The following PTPRD variants were observed in gnomAD, a reference collection of about 807,000 sequenced individuals.
PTPRD encodes the protein receptor-type tyrosine-protein phosphatase delta.
A neutral mutation model predicts 214.5 loss-of-function variants in PTPRD; 34 were observed. The ratio of observed to expected loss-of-function variants is 0.16; its 90% CI spans 0.12 to 0.21. The LOEUF is 0.21. Ranked by LOEUF, PTPRD falls within the 10% of genes least tolerant of loss-of-function variation. The pLI is 1.00. For synonymous variants in PTPRD, 1,128 were observed against 845.7 expected (o/e 1.33, Z -5.79); for missense variants, 2,545 against 2,398.7 (o/e 1.06, Z -1.27).
At chr9:9,941,395 T>G (rs896246861) in intron 4 of PTPRD, among the ~76,000 whole-genome samples, 1 of 152,320 alleles carries the variant, frequency 6.6e-6, no homozygotes, top group Admixed American at 6.5e-5. Context: ...TGATCTCAGC[T>G]CGCTGCAATT....
At chr9:10,168,273 A>G (rs1019189050) in intron 3 of PTPRD, among the ~76,000 whole-genome samples, 21 of 152,220 alleles carry the variant, frequency 1.4e-4, no homozygotes, top group African/African-American at 4.8e-4. Flanking sequence ...TGAGATATTT[A>G]CTAAGTCATG....
chr9:9,861,336 G>T (rs12380595), intron 5 of PTPRD, among the ~76,000 whole-genome samples: 19,320 of 152,050 alleles, frequency 0.13, 1,561 homozygotes, highest in Non-Finnish European at 0.18. Context: ...TGTCTCCCAG[G>T]CTGGAGTGCA....
At chr9:8,731,206 A>C (rs1023802290) in intron 12 of PTPRD, among the ~76,000 whole-genome samples, 8 of 152,300 alleles carry the variant, frequency 5.3e-5, no homozygotes, top group Admixed American at 4.6e-4. Flanking sequence ...ATCATTTCAA[A>C]AGAGAGTGAG....
At chr9:8,991,362 G>A (rs1399825984) in intron 11 of PTPRD, among the ~76,000 whole-genome samples, 2 of 152,088 alleles carry the variant, frequency 1.3e-5, no homozygotes, top group Non-Finnish European at 2.9e-5. Context: ...TTATAGGAGT[G>A]TCAGCTGTGA....
At chr9:8,868,751 A>T (rs993009360) in intron 11 of PTPRD, among the ~76,000 whole-genome samples, 4 of 152,184 alleles carry the variant, frequency 2.6e-5, no homozygotes, top group African/African-American at 4.8e-5. Flanking sequence ...GATGCAGTCC[A>T]AATTTTATAT....
chr9:9,549,247 T>C (rs919505209), intron 8 of PTPRD, among the ~76,000 whole-genome samples: 10 of 152,032 alleles, frequency 6.6e-5, no homozygotes, highest in Non-Finnish European at 1.3e-4. Flanking sequence ...TATACATATA[T>C]ATGTGTATAA....
intron 12 of PTPRD, among the ~76,000 whole-genome samples, chr9:8,727,727 G>C (rs938584814): frequency 3.3e-5 from 5 of 152,024 alleles, no homozygotes; most frequent in African/African-American, 1.2e-4. Flanking sequence ...GTCATCCTAG[G>C]TCACTATGGC....
chr9:9,181,673 G>A (rs559163254), intron 10 of PTPRD, among the ~76,000 whole-genome samples: 4 of 152,018 alleles, frequency 2.6e-5, no homozygotes, highest in South Asian at 2.1e-4. Flanking sequence ...ATATCAAATG[G>A]CTAATAAGTA....
chr9:10,260,408 G>GT (rs925684332), intron 3 of PTPRD, among the ~76,000 whole-genome samples: 4 of 151,976 alleles, frequency 2.6e-5, no homozygotes, highest in East Asian at 1.9e-4. Context: ...CCAGGTCTCA[G>GT]TTTTTTTTGT....
At chr9:8,533,601 A>T (rs892989511) in intron 14 of PTPRD, among the ~76,000 whole-genome samples, 1 of 151,998 alleles carries the variant, frequency 6.6e-6, no homozygotes, top group Non-Finnish European at 1.5e-5. Flanking sequence ...TGAAGCATTC[A>T]TCCCCTGGAA....
chr9:10,332,911 C>T (rs1471614307), intron 3 of PTPRD, among the ~76,000 whole-genome samples: 1 of 151,820 alleles, frequency 6.6e-6, no homozygotes, highest in Non-Finnish European at 1.5e-5. Flanking sequence ...CTCTACTGAT[C>T]ACCTTTTAAC....
chr9:8,543,685 T>G (rs914657368), intron 14 of PTPRD, among the ~76,000 whole-genome samples: 6 of 152,222 alleles, frequency 3.9e-5, no homozygotes, highest in Admixed American at 6.5e-5. Flanking sequence ...ATCAAGAATG[T>G]TTCCCCAGTG....
intron 35 of PTPRD, among the ~76,000 whole-genome samples, chr9:8,435,727 A>ACACACG (rs1377124301): frequency 6.6e-6 from 1 of 151,778 alleles, no homozygotes; most frequent in Non-Finnish European, 1.5e-5. Context: ...ACACACACAC[A>ACACACG]CACGCACGCA....
intron 2 of PTPRD, among the ~76,000 whole-genome samples, chr9:10,384,280 A>G (rs1049873679): frequency 2.6e-5 from 4 of 151,730 alleles, no homozygotes; most frequent in African/African-American, 9.7e-5. Flanking sequence ...AAAATATCTC[A>G]TGTACCCCAT....
chr9:10,288,819 G>T (rs1535664), intron 3 of PTPRD, among the ~76,000 whole-genome samples: 1 of 151,646 alleles, frequency 6.6e-6, no homozygotes, highest in Non-Finnish European at 1.5e-5. Flanking sequence ...CTTTTTTTCT[G>T]CTTTTTGAAG....
At chr9:9,502,477 C>G (rs79857465) in intron 8 of PTPRD, among the ~76,000 whole-genome samples, 1 of 151,824 alleles carries the variant, frequency 6.6e-6, no homozygotes, top group Non-Finnish European at 1.5e-5. Context: ...TTTTACCATA[C>G]GTATATGTAT....
intron 11 of PTPRD, among the ~76,000 whole-genome samples, chr9:8,756,041 T>G (rs949259410): frequency 2.6e-5 from 4 of 152,226 alleles, no homozygotes; most frequent in Non-Finnish European, 4.4e-5. Context: ...TAGTTCATAC[T>G]GGTAGAGGAA....
At chr9:9,430,309 C>T (rs955062607) in intron 8 of PTPRD, among the ~76,000 whole-genome samples, 3 of 151,850 alleles carry the variant, frequency 2.0e-5, no homozygotes, top group Non-Finnish European at 4.4e-5. Context: ...ACAATTGCTT[C>T]AAAGAGAATA....
chr9:10,398,480 T>C (rs772725929), intron 2 of PTPRD, among the ~76,000 whole-genome samples: 1 of 151,884 alleles, frequency 6.6e-6, no homozygotes, highest in Non-Finnish European at 1.5e-5. Flanking sequence ...TCAATGCATT[T>C]TGCTAATCTT....
Sources: allele counts gnomAD v4.1 joint callset (sites outside exome capture counted in the v4.1 genomes callset), GRCh38; gene constraint gnomAD v4.1.1; transcripts MANE v1.5; gene names NCBI Gene and HGNC (gene_info 2026-07-23, HGNC 2026-07-21).